The following KIF13B variants were observed in gnomAD, a reference collection of about 807,000 sequenced individuals.
KIF13B encodes kinesin-like protein KIF13B.
A neutral mutation model predicts 222.0 loss-of-function variants in KIF13B; 127 were observed. The ratio of observed to expected loss-of-function variants is 0.57; its 90% CI spans 0.50 to 0.66. The LOEUF (loss-of-function observed/expected upper bound fraction) is 0.66. Among genes scored for constraint, KIF13B ranks in the 30% least tolerant of loss-of-function variants. The pLI is 0.00. For synonymous variants in KIF13B, 976 were observed against 919.0 expected (o/e 1.06, Z -1.12); for missense variants, 2,173 against 2,379.0 (o/e 0.91, Z 1.80).
At chr8:29,174,021 G>A (rs1812373761) in intron 10 of KIF13B, among the ~76,000 whole-genome samples, 1 of 151,394 alleles carries the variant, frequency 6.6e-6, no homozygotes, top group African/African-American at 2.4e-5. Context: ...AAGGTATAGA[G>A]CACGTTTGAT....
At chr8:29,189,905 A>C (rs1017502489) in intron 4 of KIF13B, 4 of 152,256 alleles carry the variant, frequency 2.6e-5, no homozygotes, top group Admixed American at 1.3e-4. Context: ...CACACAGTGA[A>C]TCTCCCATTT....
chr8:29,254,256 C>G (rs1816388818), intron 1 of KIF13B, among the ~76,000 whole-genome samples: 1 of 152,124 alleles, frequency 6.6e-6, no homozygotes, highest in Admixed American at 6.5e-5. Context: ...AAATGAAAAT[C>G]CACATGATGT....
intron 37 of KIF13B, among the ~76,000 whole-genome samples, chr8:29,083,795 T>A (rs1304580087): frequency 2.0e-5 from 3 of 152,172 alleles, no homozygotes; most frequent in Admixed American, 6.5e-5. Context: ...GCACACTATA[T>A]CTATAGCTGT....
intron 2 of KIF13B, among the ~76,000 whole-genome samples, chr8:29,228,472 A>AAAAATATATATATATATAT: frequency 8.5e-6 from 1 of 117,086 alleles, no homozygotes; most frequent in East Asian, 2.1e-4. Flanking sequence ...ATCTTAAAAA[A>AAAAATATATATATATATAT]ATATATATAT....
intron 2 of KIF13B, among the ~76,000 whole-genome samples, chr8:29,231,210 C>G (rs183477327): frequency 6.6e-6 from 1 of 152,252 alleles, no homozygotes; most frequent in East Asian, 1.9e-4. Context: ...GTCTCTGTCC[C>G]CCATCCTACT....
chr8:29,175,521 G>C (rs1041273521), intron 10 of KIF13B, among the ~76,000 whole-genome samples: 3 of 152,172 alleles, frequency 2.0e-5, no homozygotes, highest in Non-Finnish European at 4.4e-5. Context: ...TGTTCATACT[G>C]AATCAATCAA....
At chr8:29,085,973 A>G (rs1020178701) in intron 37 of KIF13B, among the ~76,000 whole-genome samples, 2 of 151,980 alleles carry the variant, frequency 1.3e-5, no homozygotes, top group Non-Finnish European at 2.9e-5. Flanking sequence ...CTGCTTTAGC[A>G]AAACCATCCC....
chr8:29,206,052 C>T (rs929229379), intron 2 of KIF13B, among the ~76,000 whole-genome samples: 3 of 151,976 alleles, frequency 2.0e-5, no homozygotes, highest in African/African-American at 4.8e-5. Flanking sequence ...GATTGTGCCA[C>T]TGAACTCTAG....
At chr8:29,238,066 C>G (rs1815592279) in intron 2 of KIF13B, among the ~76,000 whole-genome samples, 1 of 152,202 alleles carries the variant, frequency 6.6e-6, no homozygotes, top group African/African-American at 2.4e-5. Context: ...TAGCCCCACT[C>G]AAGTCATTTC....
At chr8:29,201,627 C>A (rs1298295111) in intron 2 of KIF13B, among the ~76,000 whole-genome samples, 1 of 152,234 alleles carries the variant, frequency 6.6e-6, no homozygotes, top group East Asian at 1.9e-4. Flanking sequence ...ATCCCATCAT[C>A]TCTTTTAATT....
chr8:29,107,871 T>G (rs1294007742), intron 35 of KIF13B, among the ~76,000 whole-genome samples: 1 of 152,224 alleles, frequency 6.6e-6, no homozygotes, highest in Non-Finnish European at 1.5e-5. Flanking sequence ...GAAGTTTCTT[T>G]TCTGACAGAA....
intron 36 of KIF13B, among the ~76,000 whole-genome samples, chr8:29,095,155 A>G (rs1349967989): frequency 6.6e-6 from 1 of 152,220 alleles, no homozygotes; most frequent in Non-Finnish European, 1.5e-5. Context: ...ATAACTTGAT[A>G]AGCAAGTTAA....
intron 1 of KIF13B, among the ~76,000 whole-genome samples, chr8:29,254,047 T>C (rs1044475344): frequency 9.2e-5 from 14 of 152,296 alleles, no homozygotes; most frequent in Admixed American, 2.6e-4. Flanking sequence ...GTCACAGTTA[T>C]GGTCAATTGA....
upstream of KIF13B, chr8:29,263,209 C>T (rs1816756738): frequency 1.7e-6 from 1 of 581,280 alleles, no homozygotes; most frequent in African/African-American, 2.0e-5. Context: ...TTGTAGTTCC[C>T]CAGGGTCGTC....
At chr8:29,092,158 A>G (rs961888734) in intron 37 of KIF13B, among the ~76,000 whole-genome samples, 1 of 152,252 alleles carries the variant, frequency 6.6e-6, no homozygotes, top group Non-Finnish European at 1.5e-5. Context: ...AACGCTGGAA[A>G]TTGCATTTCC....
At chr8:29,185,449 A>G (rs773156805) in intron 6 of KIF13B, among the ~76,000 whole-genome samples, 6 of 152,252 alleles carry the variant, frequency 3.9e-5, no homozygotes, top group Non-Finnish European at 7.3e-5. Flanking sequence ...CCTGGCATAT[A>G]ATGATCACTC....
intron 2 of KIF13B, among the ~76,000 whole-genome samples, chr8:29,205,275 C>A (rs970065649): frequency 6.6e-6 from 1 of 152,132 alleles, no homozygotes; most frequent in South Asian, 2.1e-4. Flanking sequence ...GAAGACATCA[C>A]ATTAGAAAAT....
At position 29,120,125 on chromosome 8, in the gene KIF13B, A is replaced by C. The variant is rs566600337; in HGVS notation, c.3536-1133T>G. 2.0e-5 allele frequency among the ~76,000 whole-genome samples: 3 copies of C among 151,232 alleles called. No homozygotes were observed. The East Asian group carries it at 5.8e-4, about 29-fold the overall frequency. On this transcript the variant is annotated intron_variant, in intron 29 of 39. Coordinates refer to ENST00000524189, the MANE Select transcript of KIF13B (RefSeq NM_015254.4). ...ATATGTAAAACGTATCCAGGCCCAA[A>C]ATATTTTACATGGTGGTGAGTGGGA...
In KIF13B at chr8:29,071,858, C is replaced by T. The variant is rs572083253; in HGVS notation, c.4980G>A (p.Ser1660=). Residue 1660 remains serine (S), a synonymous_variant, in exon 39 of 40, where the codon TCG becomes TCA. Coordinates refer to ENST00000524189, the MANE Select transcript of KIF13B (RefSeq NM_015254.4). The surrounding 1 kb of genome is among the most constrained non-coding windows in gnomAD (Gnocchi z 4.9). ...RVRASELRSF[S]RMLAGDPGCS... is the part of the protein sequence containing the mutation. ...AGCCGGGGTCCCCAGCCAGCATGCG[C>T]GAGAAGGAGCGCAACTCCGAGGCCC... 1.3e-5 allele frequency: 20 copies of T among 1,536,770 alleles called. No homozygotes were observed. The highest frequency in any genetic ancestry group is 1.5e-5 in the Non-Finnish European group (17 of 1,145,778).
Sources: gnomAD v4.1 joint callset for allele counts (sites outside exome capture counted in the v4.1 genomes callset) on GRCh38, gnomAD v4.1.1 for gene constraint, Gnocchi (gnomAD v3.1) non-coding constraint, MANE v1.5 for transcripts, NCBI Gene and HGNC (gene_info 2026-07-23, HGNC 2026-07-21) for gene names.